Variants in LOC128092247 observed in about 807,000 individuals in gnomAD.
chr7:151,061,936 G>GCCTC, the LOC128092247 span: 1 of 1,569,304 alleles, frequency 6.4e-7, no homozygotes, highest in South Asian at 1.1e-5. Flanking sequence ...TTATGCCTCC[G>GCCTC]CCTCGTTGCC....
chr7:151,061,944 GC>G, the LOC128092247 span: 1 of 1,594,406 alleles, frequency 6.3e-7, no homozygotes. Flanking sequence ...CCGCCTCGTT[GC>G]CCTGAAAGCC....
chr7:151,061,945 C>T, the LOC128092247 span: 3 of 1,595,330 alleles, frequency 1.9e-6, no homozygotes, highest in Admixed American at 5.1e-5. Context: ...CGCCTCGTTG[C>T]CCTGAAAGCC....
chr7:151,061,967 GA>G, the LOC128092247 span: 3 of 1,608,778 alleles, frequency 1.9e-6, no homozygotes, highest in Non-Finnish European at 1.7e-6. Flanking sequence ...CAGCGACAGC[GA>G]AAAGGGCTAA....
chr7:151,061,963 C>G, the LOC128092247 span: 1 of 1,607,914 alleles, frequency 6.2e-7, no homozygotes, highest in Admixed American at 1.7e-5. Flanking sequence ...GCCGCAGCGA[C>G]AGCGAAAAGG....
chr7:151,061,947 C>T, the LOC128092247 span: 2 of 1,599,434 alleles, frequency 1.3e-6, no homozygotes, highest in South Asian at 2.2e-5. Context: ...CCTCGTTGCC[C>T]TGAAAGCCGC....
At chr7:151,061,968 A>G in the LOC128092247 span, 2 of 1,609,076 alleles carry the variant, frequency 1.2e-6, no homozygotes, top group Non-Finnish European at 1.7e-6. Context: ...AGCGACAGCG[A>G]AAAGGGCTAA....
chr7:151,061,935 C>T, the LOC128092247 span: 6 of 1,563,420 alleles, frequency 3.8e-6, no homozygotes, highest in East Asian at 2.3e-5. Context: ...GTTATGCCTC[C>T]GCCTCGTTGC....
chr7:151,061,941 G>C, the LOC128092247 span: 1 of 1,588,158 alleles, frequency 6.3e-7, no homozygotes, highest in Non-Finnish European at 8.6e-7. Flanking sequence ...CCTCCGCCTC[G>C]TTGCCCTGAA....
the LOC128092247 span, chr7:151,061,964 A>G: frequency 6.2e-7 from 1 of 1,608,212 alleles, no homozygotes; most frequent in Non-Finnish European, 8.5e-7. Flanking sequence ...CCGCAGCGAC[A>G]GCGAAAAGGG....
the LOC128092247 span, chr7:151,061,961 G>A: frequency 1.2e-6 from 2 of 1,607,570 alleles, no homozygotes; most frequent in East Asian, 2.2e-5. Flanking sequence ...AAGCCGCAGC[G>A]ACAGCGAAAA....
the LOC128092247 span, chr7:151,061,962 A>T: frequency 6.2e-7 from 1 of 1,607,968 alleles, no homozygotes; most frequent in Non-Finnish European, 8.5e-7. Flanking sequence ...AGCCGCAGCG[A>T]CAGCGAAAAG....
chr7:151,061,956 G>A, the LOC128092247 span: 73 of 1,604,552 alleles, frequency 4.5e-5, 1 homozygote, highest in South Asian at 7.3e-4. Context: ...CCTGAAAGCC[G>A]CAGCGACAGC....
the LOC128092247 span, chr7:151,061,967 G>A: frequency 6.2e-7 from 1 of 1,608,776 alleles, no homozygotes; most frequent in Non-Finnish European, 8.5e-7. Flanking sequence ...CAGCGACAGC[G>A]AAAAGGGCTA....
chr7:151,061,940 C>T, the LOC128092247 span: 5 of 1,582,858 alleles, frequency 3.2e-6, no homozygotes, highest in Admixed American at 1.7e-5. Context: ...GCCTCCGCCT[C>T]GTTGCCCTGA....
the LOC128092247 span, chr7:151,061,937 C>T: frequency 6.3e-7 from 1 of 1,575,194 alleles, no homozygotes; most frequent in Non-Finnish European, 8.7e-7. Flanking sequence ...TATGCCTCCG[C>T]CTCGTTGCCC....
the LOC128092247 span, chr7:151,061,941 G>A: frequency 3.8e-6 from 6 of 1,588,158 alleles, no homozygotes; most frequent in African/African-American, 2.7e-5. Flanking sequence ...CCTCCGCCTC[G>A]TTGCCCTGAA....
the LOC128092247 span, chr7:151,061,957 C>T: frequency 1.2e-6 from 2 of 1,605,620 alleles, no homozygotes; most frequent in Admixed American, 1.7e-5. Context: ...CTGAAAGCCG[C>T]AGCGACAGCG....
At chr7:151,061,973 G>A in the LOC128092247 span, 1 of 1,609,722 alleles carries the variant, frequency 6.2e-7, no homozygotes. Flanking sequence ...CAGCGAAAAG[G>A]GCTAAGATTC....
At chr7:151,061,953 G>A in the LOC128092247 span, 9 of 1,603,294 alleles carry the variant, frequency 5.6e-6, no homozygotes, top group Non-Finnish European at 7.7e-6. Context: ...TGCCCTGAAA[G>A]CCGCAGCGAC....
Sources: allele counts gnomAD v4.1 joint callset, GRCh38; gene constraint gnomAD v4.1.1; transcripts MANE v1.5.